The following FBLN5 variants were observed in gnomAD, a reference collection of about 807,000 sequenced individuals.
The protein encoded by FBLN5 is fibulin 5.
In FBLN5, 24 loss-of-function variants were observed where a neutral mutation model predicts 61.6. That is an observed-to-expected ratio of 0.39 (90% confidence interval 0.28 to 0.55). The LOEUF (loss-of-function observed/expected upper bound fraction) is 0.55, where lower values mean the gene tolerates loss of function less well. Among genes scored for constraint, FBLN5 ranks in the 20% least tolerant of loss-of-function variants. The probability of loss-of-function intolerance (pLI) is 0.65; values close to 1 mark genes in which losing one functional copy is unlikely to be tolerated. For missense variants in FBLN5, 470 were observed against 594.1 expected, an observed-to-expected ratio of 0.79 and a Z score of 2.17; for synonymous variants, 213 against 219.8, an observed-to-expected ratio of 0.97 and a Z score of 0.27.
At chr14:91,904,256 T>C (rs1383535470) in intron 4 of FBLN5, among the ~76,000 whole-genome samples, 1 of 152,142 alleles carries the variant, frequency 6.6e-6, no homozygotes, top group Non-Finnish European at 1.5e-5. Flanking sequence ...ACTCTAAGAC[T>C]CTTCCGAAAG....
intron 1 of FBLN5, among the ~76,000 whole-genome samples, chr14:91,945,585 A>AAT (rs2056171105): frequency 6.6e-6 from 1 of 152,170 alleles, no homozygotes; most frequent in Admixed American, 6.5e-5. Context: ...GCACCACAAC[A>AAT]ATATAATCCC....
chr14:91,889,403 G>A (rs1889882206), intron 6 of FBLN5, among the ~76,000 whole-genome samples: 2 of 152,196 alleles, frequency 1.3e-5, no homozygotes, highest in African/African-American at 4.8e-5. Context: ...TTTCCTGCCA[G>A]CCCTTTCCAA....
At chr14:91,894,327 C>T (rs1003204608) in intron 5 of FBLN5, among the ~76,000 whole-genome samples, 1 of 135,090 alleles carries the variant, frequency 7.4e-6, no homozygotes, top group African/African-American at 2.7e-5. Flanking sequence ...CACTTGAACC[C>T]AGGAGGTAGA....
At chr14:91,877,807 T>A in intron 9 of FBLN5, 125 bp from the exon 10 acceptor site, 1 of 757,482 alleles carries the variant, frequency 1.3e-6, no homozygotes, top group Non-Finnish European at 2.3e-6. Flanking sequence ...GCCATAACTG[T>A]AGAATGTCTC....
At chr14:91,892,289 C>A (rs1294884374) in intron 5 of FBLN5, among the ~76,000 whole-genome samples, 1 of 152,150 alleles carries the variant, frequency 6.6e-6, no homozygotes, top group African/African-American at 2.4e-5. Context: ...CCTGCTGTGA[C>A]CAGTTGATCT....
intron 4 of FBLN5, among the ~76,000 whole-genome samples, chr14:91,902,772 C>T (rs1890513567): frequency 6.6e-6 from 1 of 152,132 alleles, no homozygotes; most frequent in Non-Finnish European, 1.5e-5. Flanking sequence ...ATGCAGCCTG[C>T]TCAGAGTTTC....
intron 1 of FBLN5, among the ~76,000 whole-genome samples, chr14:91,944,429 TGA>T (rs1241715545): frequency 6.6e-6 from 1 of 152,230 alleles, no homozygotes; most frequent in Non-Finnish European, 1.5e-5. Flanking sequence ...AATTTCCATG[TGA>T]TCCAGCCATT....
At chr14:91,937,293 G>A in intron 3 of FBLN5, 92 bp from the exon 4 acceptor site, 1 of 1,544,554 alleles carries the variant, frequency 6.5e-7, no homozygotes, top group Non-Finnish European at 8.8e-7. Flanking sequence ...AGGCGTGGAG[G>A]AAGCACTCCC....
At chr14:91,872,620 G>A (rs117773978) in intron 10 of FBLN5, among the ~76,000 whole-genome samples, 215 of 152,300 alleles carry the variant, frequency 1.4e-3, no homozygotes, top group Non-Finnish European at 2.5e-3. Flanking sequence ...CAGGCCAGGC[G>A]CTGGGACCTC....
At chr14:91,936,211 G>C (rs2056012402) in intron 4 of FBLN5, among the ~76,000 whole-genome samples, 1 of 152,164 alleles carries the variant, frequency 6.6e-6, no homozygotes, top group African/African-American at 2.4e-5. Context: ...TCAAACTTTT[G>C]GGGTAGAGGA....
intron 4 of FBLN5, among the ~76,000 whole-genome samples, chr14:91,899,023 C>CT (rs1199478922): frequency 6.6e-6 from 1 of 151,992 alleles, no homozygotes; most frequent in Non-Finnish European, 1.5e-5. Flanking sequence ...AGGATGGTCT[C>CT]TATCTCCTGA....
intron 4 of FBLN5, among the ~76,000 whole-genome samples, chr14:91,905,007 A>T (rs925792770): frequency 6.6e-6 from 1 of 152,058 alleles, no homozygotes; most frequent in Non-Finnish European, 1.5e-5. Flanking sequence ...CATCAACAGG[A>T]CCTCTCAGGG....
intron 4 of FBLN5, among the ~76,000 whole-genome samples, chr14:91,900,181 T>G (rs1890394956): frequency 6.6e-6 from 1 of 152,204 alleles, no homozygotes; most frequent in Non-Finnish European, 1.5e-5. Context: ...CACTTTTCTA[T>G]CCCATATAAA....
chr14:91,946,605 C>G, intron 1 of FBLN5: 2 of 880,272 alleles, frequency 2.3e-6, no homozygotes, highest in South Asian at 3.0e-5. Flanking sequence ...TTCAAGAGCT[C>G]GCTGAATAAA....
intron 4 of FBLN5, among the ~76,000 whole-genome samples, chr14:91,933,338 G>A (rs891818427): frequency 2.0e-5 from 3 of 151,940 alleles, no homozygotes; most frequent in Non-Finnish European, 2.9e-5. Flanking sequence ...GTAGTGGCAC[G>A]AGCTCGGCTC....
chr14:91,936,329 C>T (rs184951938), intron 4 of FBLN5, among the ~76,000 whole-genome samples: 9 of 152,350 alleles, frequency 5.9e-5, no homozygotes, highest in African/African-American at 1.9e-4. Flanking sequence ...GATCACAGCG[C>T]ACCTTGGTCA....
intron 7 of FBLN5, among the ~76,000 whole-genome samples, chr14:91,886,308 G>T (rs773654876): frequency 2.0e-5 from 3 of 152,188 alleles, no homozygotes; most frequent in Non-Finnish European, 2.9e-5. Context: ...AACAAGGCAA[G>T]AAAGGAAAAG....
intron 4 of FBLN5, among the ~76,000 whole-genome samples, chr14:91,926,024 G>A (rs930145422): frequency 1.3e-5 from 2 of 152,152 alleles, no homozygotes; most frequent in African/African-American, 2.4e-5. Flanking sequence ...ATCGGTGCCC[G>A]CACTCTTCCT....
At chr14:91,871,708 T>A (rs985698851) in intron 10 of FBLN5, among the ~76,000 whole-genome samples, 3 of 151,886 alleles carry the variant, frequency 2.0e-5, no homozygotes, top group Non-Finnish European at 4.4e-5. Context: ...ACTAGAAAAA[T>A]TAGCAGGGCA....
Sources: gnomAD v4.1 joint callset for allele counts (sites outside exome capture counted in the v4.1 genomes callset) on GRCh38, gnomAD v4.1.1 for gene constraint, MANE v1.5 for transcripts, NCBI Gene and HGNC (gene_info 2026-07-23, HGNC 2026-07-21) for gene names.